Variants in PTPRG observed in about 807,000 individuals in gnomAD.
The protein encoded by PTPRG is protein tyrosine phosphatase receptor type G, also known as receptor-type tyrosine-protein phosphatase gamma.
In PTPRG, 102 loss-of-function variants were observed where a neutral mutation model predicts 165.3. The observed-to-expected ratio is 0.62, with a 90% CI of 0.53 to 0.73. PTPRG has a LOEUF of 0.73. Ranked by LOEUF, PTPRG falls within the 30% of genes least tolerant of loss-of-function variation. The pLI is 0.00. For synonymous variants in PTPRG, 675 were observed against 669.5 expected, an observed-to-expected ratio of 1.01 and a Z score of -0.13; for missense variants, 1,866 against 1,861.4, an observed-to-expected ratio of 1.00 and a Z score of -0.05.
intron 2 of PTPRG, among the ~76,000 whole-genome samples, chr3:61,907,036 C>T (rs2107532018): frequency 6.6e-6 from 1 of 152,138 alleles, no homozygotes; most frequent in East Asian, 1.9e-4. Flanking sequence ...ACTTAAAACA[C>T]ACAATGTTTG....
intron 28 of PTPRG, among the ~76,000 whole-genome samples, chr3:62,286,268 G>A (rs1702655783): frequency 6.6e-6 from 1 of 152,106 alleles, no homozygotes; most frequent in Non-Finnish European, 1.5e-5. Context: ...TTTATTGAGA[G>A]CCTTATGGAA....
chr3:62,112,065 G>T (rs867440247), intron 5 of PTPRG, among the ~76,000 whole-genome samples: 1 of 151,962 alleles, frequency 6.6e-6, no homozygotes, highest in Admixed American at 6.6e-5. Context: ...AAACACCATG[G>T]CCCCAGGTTG....
At chr3:61,615,026 T>G (rs1048657858) in intron 1 of PTPRG, among the ~76,000 whole-genome samples, 7 of 152,174 alleles carry the variant, frequency 4.6e-5, no homozygotes, top group African/African-American at 1.7e-4. Context: ...TGGAAAAAAT[T>G]GTAACAACAT....
At chr3:61,669,464 G>A (rs1463916573) in intron 1 of PTPRG, among the ~76,000 whole-genome samples, 1 of 152,094 alleles carries the variant, frequency 6.6e-6, no homozygotes, top group African/African-American at 2.4e-5. Flanking sequence ...TGTCTGCAGG[G>A]GCATCCATTC....
At chr3:61,569,166 C>G (rs914860177) in intron 1 of PTPRG, among the ~76,000 whole-genome samples, 6 of 152,118 alleles carry the variant, frequency 3.9e-5, no homozygotes, top group Admixed American at 3.9e-4. Context: ...CTTTTAGGAG[C>G]CTGGAACTTG....
chr3:61,651,855 C>T (rs189999027), intron 1 of PTPRG, among the ~76,000 whole-genome samples: 93 of 152,142 alleles, frequency 6.1e-4, no homozygotes, highest in Middle Eastern at 3.4e-3. Flanking sequence ...ACTAAAAATA[C>T]AAAACTTAGC....
intron 1 of PTPRG, among the ~76,000 whole-genome samples, chr3:61,607,485 C>G (rs774817493): frequency 3.9e-5 from 6 of 152,024 alleles, no homozygotes; most frequent in East Asian, 1.9e-4. Flanking sequence ...TCAGCCACAT[C>G]GCTACCGCTC....
intron 2 of PTPRG, among the ~76,000 whole-genome samples, chr3:61,883,585 A>G (rs1051105339): frequency 6.6e-6 from 1 of 152,228 alleles, no homozygotes; most frequent in Admixed American, 6.5e-5. Context: ...GGACAAAAAA[A>G]TAGTGTCTGT....
chr3:61,917,980 C>A (rs142596014), intron 2 of PTPRG, among the ~76,000 whole-genome samples: 198 of 152,044 alleles, frequency 1.3e-3, no homozygotes, highest in African/African-American at 4.6e-3. Context: ...GAGGAAGAAT[C>A]CAAGCAGGCA....
At chr3:61,991,258 T>G (rs1048481897) in intron 3 of PTPRG, among the ~76,000 whole-genome samples, 2 of 152,204 alleles carry the variant, frequency 1.3e-5, no homozygotes. Context: ...CGGGCTGGAG[T>G]GCAGTGGCAT....
intron 2 of PTPRG, among the ~76,000 whole-genome samples, chr3:61,815,389 C>A (rs114838371): frequency 6.6e-6 from 1 of 151,888 alleles, no homozygotes; most frequent in Non-Finnish European, 1.5e-5. Context: ...GGCAACAGAA[C>A]GAGACCGTCT....
At chr3:61,748,425 G>A (rs189827991) in intron 1 of PTPRG, among the ~76,000 whole-genome samples, 86 of 152,298 alleles carry the variant, frequency 5.6e-4, no homozygotes, top group African/African-American at 1.8e-3. Context: ...AATGGAGCCC[G>A]AGGGTCTTTA....
At chr3:61,764,333 T>C (rs897371693) in intron 2 of PTPRG, among the ~76,000 whole-genome samples, 8 of 152,126 alleles carry the variant, frequency 5.3e-5, no homozygotes, top group African/African-American at 1.9e-4. Flanking sequence ...TCTTCATTCA[T>C]TGAGTCATTC....
intron 8 of PTPRG, among the ~76,000 whole-genome samples, chr3:62,180,417 G>C (rs1159206442): frequency 1.3e-5 from 2 of 152,208 alleles, no homozygotes; most frequent in Non-Finnish European, 1.5e-5. Flanking sequence ...ACCCACCCTA[G>C]CTCCGCAGCC....
At chr3:62,051,004 A>G (rs1475871399) in intron 4 of PTPRG, among the ~76,000 whole-genome samples, 1 of 152,196 alleles carries the variant, frequency 6.6e-6, no homozygotes, top group Non-Finnish European at 1.5e-5. Flanking sequence ...TAAGGGAAGG[A>G]AAAGAATTGT....
intron 2 of PTPRG, among the ~76,000 whole-genome samples, chr3:61,973,422 G>A (rs1255704109): frequency 6.6e-6 from 1 of 152,158 alleles, no homozygotes; most frequent in Non-Finnish European, 1.5e-5. Flanking sequence ...GAATCTAAAA[G>A]GAAAAATGTA....
chr3:61,592,694 G>A (rs1413553297), intron 1 of PTPRG, among the ~76,000 whole-genome samples: 2 of 143,052 alleles, frequency 1.4e-5, no homozygotes, highest in Non-Finnish European at 3.0e-5. Flanking sequence ...CTAGCTTGTG[G>A]ACTCTCTCAA....
At chr3:61,608,888 G>A (rs890237088) in intron 1 of PTPRG, among the ~76,000 whole-genome samples, 5 of 152,158 alleles carry the variant, frequency 3.3e-5, no homozygotes, top group African/African-American at 9.7e-5. Flanking sequence ...CCCTTTAGGG[G>A]ATTATCCAAG....
chr3:61,784,944 G>T (rs2034650635), intron 2 of PTPRG, among the ~76,000 whole-genome samples: 1 of 152,136 alleles, frequency 6.6e-6, no homozygotes, highest in Non-Finnish European at 1.5e-5. Flanking sequence ...TGATAACTCA[G>T]CTAATGAAAT....
Sources: allele counts gnomAD v4.1 joint callset (sites outside exome capture counted in the v4.1 genomes callset), GRCh38; gene constraint gnomAD v4.1.1; transcripts MANE v1.5; gene names NCBI Gene and HGNC (gene_info 2026-07-23, HGNC 2026-07-21).